The following ZNF175 variants were observed in gnomAD, a reference collection of about 807,000 sequenced individuals.
ZNF175 encodes the protein zinc finger protein OTK18.
A neutral mutation model predicts 14.0 loss-of-function variants in ZNF175; 8 were observed. That is an observed-to-expected ratio of 0.57 (90% CI 0.34 to 1.03). The LOEUF (loss-of-function observed/expected upper bound fraction) is 1.03. Among genes scored for constraint, ZNF175 ranks in the 50% least tolerant of loss-of-function variants. ZNF175 has a pLI of 0.03. For missense variants in ZNF175, 764 were observed against 849.5 expected (o/e 0.90, Z 1.25); for synonymous variants, 255 against 296.8 (o/e 0.86, Z 1.45).
chr19:51,573,521 G>T (rs1202225375), intron 2 of ZNF175, 120 bp downstream of exon 2: 1 of 895,920 alleles, frequency 1.1e-6, no homozygotes, highest in East Asian at 2.6e-5. Flanking sequence ...GAGGACCACA[G>T]AGGCTGATGT....
In ZNF175 at chr19:51,581,811, T is replaced by A. The variant is rs1982013442; in HGVS notation, c.224T>A (p.Val75Asp). 2 of 1,613,826 alleles carry A rather than the reference T, an allele frequency of 1.2e-6. No homozygotes were observed. Residue 75 changes from valine to aspartate, a missense_variant, in exon 4 of 5, where the codon GTC (valine) becomes GAC (aspartate). Physicochemically the swap from Val to Asp is radical, Grantham distance 152. Coordinates refer to ENST00000262259, the MANE Select transcript of ZNF175 (RefSeq NM_007147.4). ...AVGYHIPNPE[V>D]IFRMLKEKEP... ...GGGTATCACATTCCCAACCCAGAGG[T>A]CATCTTCAGAATGCTAAAAGAAAAG...
rs766353575 is a variant in ZNF175 at position 51,586,854 on chromosome 19, T to C, written c.523T>C (p.Tyr175His). The change falls in exon 5 of 5, where the codon TAT becomes CAT. Residue 175 changes from tyrosine to histidine, a missense_variant. Physicochemically the swap from Tyr to His is moderately conservative, Grantham distance 83. Coordinates refer to ENST00000262259, the MANE Select transcript of ZNF175 (RefSeq NM_007147.4). ...ATTGAACACAGAAAGCAATTGTGAA[T>C]ATAAGGACCCTGGGAAAATGATTCG... is the stretch of plus-strand genomic sequence containing the variant. ...KTLNTESNCE[Y>H]KDPGKMIRTR... The C allele has an allele frequency of 1.2e-6, 2 of 1,614,154 alleles. No individual in the cohort carries two copies. The highest frequency in any genetic ancestry group is 1.7e-6 in the Non-Finnish European group (2 of 1,180,006).
At chr19:51,574,598 G>A (rs73562624) in intron 2 of ZNF175, among the ~76,000 whole-genome samples, 3,197 of 152,210 alleles carry the variant, frequency 0.021, 112 homozygotes, top group African/African-American at 0.074. Context: ...AGCTTGAGGC[G>A]GTCAAGGTTG....
intron 2 of ZNF175, among the ~76,000 whole-genome samples, chr19:51,577,768 A>C (rs567181445): frequency 1.4e-5 from 2 of 145,328 alleles, no homozygotes; most frequent in Non-Finnish European, 1.5e-5. Context: ...GGTTCACGCC[A>C]TTCTCCTGCT....
chr19:51,575,034 C>A (rs967056265), intron 2 of ZNF175, among the ~76,000 whole-genome samples: 1 of 151,768 alleles, frequency 6.6e-6, no homozygotes, highest in Non-Finnish European at 1.5e-5. Context: ...TTATTTTTAT[C>A]TTTTCTAATG....
In ZNF175 at chr19:51,588,109, G is replaced by T; in HGVS notation, c.1778G>T (p.Gly593Val). The T allele has an allele frequency of 6.2e-7, 1 of 1,614,182 alleles. No homozygotes were observed. The highest frequency in any genetic ancestry group is 8.5e-7 in the Non-Finnish European group (1 of 1,180,020). Residue 593 changes from glycine to valine, a missense_variant, in exon 5 of 5, where the codon GGG becomes GTG. Coordinates refer to ENST00000262259, the MANE Select transcript of ZNF175 (RefSeq NM_007147.4). Reference protein sequence around the residue: ...GEKPYVCTECGKAFNGRSNFH... With the variant: ...GEKPYVCTECVKAFNGRSNFH... ...AAACCCTATGTGTGCACTGAATGTG[G>T]GAAGGCCTTCAACGGCAGGTCAAAT...
chr19:51,587,313 G>C lies in ZNF175; in HGVS notation c.982G>C (p.Asp328His), dbSNP rs1004142888. Residue 328 changes from aspartate (D) to histidine (H), a missense_variant, in exon 5 of 5, where the codon GAT becomes CAT. Asp to His is a moderately conservative substitution (Grantham distance 81, BLOSUM62 -1). Coordinates refer to ENST00000262259, the MANE Select transcript of ZNF175 (RefSeq NM_007147.4). ...PQLKLSVYLTDHTGDIPCICK... is the reference protein window; with the variant it reads ...PQLKLSVYLTHHTGDIPCICK... ...ACTAAAACTCAGTGTATATCTGACA[G>C]ATCATACAGGTGATATACCCTGTAT... 3 of 1,614,078 alleles carry C rather than the reference G, an allele frequency of 1.9e-6. No individual in the cohort carries two copies. In the African/African-American group the frequency reaches 4.0e-5, roughly 22 times the overall value.
chr19:51,587,498 ACT>A lies in ZNF175; in HGVS notation c.1170_1171del (p.Tyr391Ter), dbSNP rs1162291188. 1 of 1,613,980 alleles carries A rather than the reference ACT, an allele frequency of 6.2e-7. No individual in the cohort carries two copies. The highest frequency in any genetic ancestry group is 8.5e-7 in the Non-Finnish European group (1 of 1,179,980). ...RHQRTHSREKLYECSECGKGF... is the reference protein window; with the variant it reads ...RHQRTHSREKXYECSECGKGF... ...ATCAGAGAACTCACAGTAGAGAAAA[ACT>A]CTATGAATGCAGTGAATGTGGCAAA... On this transcript the variant is annotated frameshift_variant, in exon 5 of 5. Coordinates refer to ENST00000262259, the MANE Select transcript of ZNF175 (RefSeq NM_007147.4). LOFTEE classifies it low-confidence loss of function (END_TRUNC).
intron 2 of ZNF175, among the ~76,000 whole-genome samples, chr19:51,574,841 A>G (rs979664418): frequency 3.3e-5 from 5 of 152,102 alleles, no homozygotes; most frequent in Admixed American, 6.5e-5. Context: ...TTTTTTAACA[A>G]TGAAATTTTT....
chr19:51,582,802 CT>C (rs1982055902), intron 4 of ZNF175, among the ~76,000 whole-genome samples: 3 of 151,946 alleles, frequency 2.0e-5, no homozygotes, highest in Admixed American at 2.0e-4. Context: ...CTGCTGTCTT[CT>C]TTTCCTCCCA....
rs58362329 is a variant in ZNF175 at position 51,575,961 on chromosome 19, C to G, written c.72+2560C>G. Among the ~76,000 whole-genome samples, 7 of 152,240 alleles carry G rather than the reference C, an allele frequency of 4.6e-5. No individual in the cohort carries two copies. In the East Asian group the frequency reaches 1.4e-3, roughly 29 times the overall value. ...ATTCAGAGCTGCCTGTATAGACACC[C>G]TGATAACTCTCTGCCTGCATAACTT... On this transcript the variant is annotated intron_variant, in intron 2 of 4. Transcript: ENST00000262259.
rs77423391 is a variant in ZNF175, at chr19:51,585,958, T to C, written c.296-669T>C. Among the ~76,000 whole-genome samples the C allele has an allele frequency of 3.9e-3, 597 of 152,298 alleles. 28 individuals carry two copies. The East Asian group carries it at 0.079, about 20-fold the overall frequency. On this transcript the variant is annotated intron_variant, in intron 4 of 4. Transcript: ENST00000262259. ...TCAAGAAAAAAAAATTGTAGCTTCA[T>C]GGAGAGTTGAGGCATAGGAGAGTTG...
Position 51,588,548 on chromosome 19 carries a change from C to A in ZNF175, c.*81C>A, listed in dbSNP as rs749228601. 1.4e-6 allele frequency: 2 copies of A among 1,431,852 alleles called. No individual in the cohort carries two copies. Among genetic ancestry groups the A allele is most frequent in the Admixed American group, 2.5e-5 (1 of 40,136 alleles). 88.7% of individuals were successfully genotyped at this position (1,431,852 alleles called of 1,614,324 possible). On this transcript the variant is annotated 3_prime_UTR_variant, in exon 5 of 5. Transcript: ENST00000262259. ...AGAGAAAATCTTCTCAGAATCAGGTCTAATTATATGTTATTGAATTCATGC... is the reference window on the plus strand; with the variant it reads ...AGAGAAAATCTTCTCAGAATCAGGTATAATTATATGTTATTGAATTCATGC...
In ZNF175 at chr19:51,588,284, G is replaced by T; in HGVS notation, c.1953G>T (p.Ser651=). 1 of 1,612,870 alleles carries T rather than the reference G, an allele frequency of 6.2e-7. No homozygotes were observed. The highest frequency in any genetic ancestry group is 2.2e-5 in the East Asian group (1 of 44,810). Residue 651 remains serine, a synonymous_variant, in exon 5 of 5, where the codon TCG becomes TCT. Coordinates refer to ENST00000262259, the MANE Select transcript of ZNF175 (RefSeq NM_007147.4). Reference sequence around the variant, plus strand: ...ATGAATGCCTTGACTGTGGGAAATCGTTCAGTAAGAAACCACAACTCAAGG... The same window carrying T: ...ATGAATGCCTTGACTGTGGGAAATCTTTCAGTAAGAAACCACAACTCAAGG... ...KPYECLDCGK[S]FSKKPQLKVH...
rs1982178336 is a variant in ZNF175, at chr19:51,586,806, A to G, written c.475A>G (p.Ser159Gly). 2 of 1,614,104 alleles carry G rather than the reference A, an allele frequency of 1.2e-6. No homozygotes were observed. Among genetic ancestry groups the G allele is most frequent in the Non-Finnish European group, 1.7e-6 (2 of 1,180,042 alleles). ...AAATCAAATTCAACCCATGAGTCAC[A>G]GTGCTTTCTTCAACAAGAAAACATT... The part of the protein sequence containing the change: ...EQNQIQPMSH[S>G]AFFNKKTLNT... Residue 159 changes from serine (S) to glycine (G), a missense_variant, in exon 5 of 5, where the codon AGT becomes GGT. Coordinates refer to ENST00000262259, the MANE Select transcript of ZNF175 (RefSeq NM_007147.4).
Position 51,590,953 on chromosome 19 carries a change from C to T in ZNF175, c.*2486C>T, listed in dbSNP as rs559105388. 1 of 152,294 alleles carries T rather than the reference C, an allele frequency of 6.6e-6. No individual in the cohort carries two copies. Among genetic ancestry groups the T allele is most frequent in the East Asian group, 1.9e-4 (1 of 5,170 alleles). 9.4% of individuals were successfully genotyped at this position (152,294 alleles called of 1,614,324 possible). On this transcript the variant is annotated 3_prime_UTR_variant, in exon 5 of 5. Transcript: ENST00000262259. ...GTGTAGACACACTGGTTCCAAAGACCCCTCAGGATGTGCCTCCCTTCTCAG... is the reference window on the plus strand; with the variant it reads ...GTGTAGACACACTGGTTCCAAAGACTCCTCAGGATGTGCCTCCCTTCTCAG...
At chr19:51,573,789 C>T (rs1039606021) in intron 2 of ZNF175, 4 of 325,034 alleles carry the variant, frequency 1.2e-5, no homozygotes, top group Admixed American at 9.8e-5. Context: ...GGGTTTGGCC[C>T]GTTTTTCCTC....
At chr19:51,580,647 C>G (rs1669234464) in intron 2 of ZNF175, among the ~76,000 whole-genome samples, 1 of 152,058 alleles carries the variant, frequency 6.6e-6, no homozygotes, top group African/African-American at 2.4e-5. Context: ...TAATCCATAC[C>G]CATTATATAT....
intron 2 of ZNF175, among the ~76,000 whole-genome samples, chr19:51,575,102 C>A (rs17453522): frequency 0.32 from 47,494 of 149,274 alleles, 8,314 homozygotes; most frequent in East Asian, 0.75. Context: ...TACAAACAGG[C>A]TTTTTTTTCA....
Sources: allele counts gnomAD v4.1 joint callset (sites outside exome capture counted in the v4.1 genomes callset), GRCh38; gene constraint gnomAD v4.1.1; transcripts MANE v1.5; gene names NCBI Gene and HGNC (gene_info 2026-07-23, HGNC 2026-07-21).